The following ZBTB20 variants were observed in gnomAD, a reference collection of about 807,000 sequenced individuals.
ZBTB20 encodes the protein zinc finger and BTB domain containing 20.
ZBTB20 carries 9 observed loss-of-function variants against 56.9 expected under a neutral mutation model. That is an observed-to-expected ratio of 0.16 (90% CI 0.10 to 0.28). The LOEUF is 0.28. Among genes scored for constraint, ZBTB20 ranks in the 10% least tolerant of loss-of-function variants. ZBTB20 has a pLI of 1.00. For missense variants in ZBTB20, 655 were observed against 1,003.0 expected (o/e 0.65, Z 4.69); for synonymous variants, 417 against 420.7 (o/e 0.99, Z 0.11).
intron 6 of ZBTB20, among the ~76,000 whole-genome samples, chr3:114,682,168 C>A (rs2062014382): frequency 6.6e-6 from 1 of 152,030 alleles, no homozygotes; most frequent in Admixed American, 6.5e-5. Flanking sequence ...TTACTCACAA[C>A]ACAGATTTAA....
At position 114,996,195 on chromosome 3, in the gene ZBTB20, T is replaced by C. The variant is rs115241692; in HGVS notation, c.-506-21779A>G. 5.4e-3 allele frequency among the ~76,000 whole-genome samples: 816 copies of C among 151,970 alleles called. 11 individuals carry two copies. Among genetic ancestry groups the C allele is most frequent in the African/African-American group, 0.019 (795 of 41,508 alleles). ...AAACATGTAGAATGGTGAGAAATCTTATTTTTTTCTTTTCTTTTTTTTATT... is the reference window on the plus strand; with the variant it reads ...AAACATGTAGAATGGTGAGAAATCTCATTTTTTTCTTTTCTTTTTTTTATT... On this transcript the variant is annotated intron_variant, in intron 2 of 11. Transcript: ENST00000675478.
In ZBTB20 at chr3:114,319,091, T is replaced by C. The variant is rs1576164867; in HGVS notation, c.*19914A>G. On this transcript the variant is annotated 3_prime_UTR_variant, in exon 12 of 12. Coordinates refer to ENST00000675478, the MANE Select transcript of ZBTB20 (RefSeq NM_001348800.3). ...ACTTTTAACACGCATCTTGAATCAG[T>C]AATTTTTTTTTAACCTCAAAACTGC... 1 of 152,026 alleles carries C rather than the reference T, an allele frequency of 6.6e-6. No homozygotes were observed. The highest frequency in any genetic ancestry group is 2.1e-4 in the South Asian group (1 of 4,818). 9.4% of individuals were successfully genotyped at this position (152,026 alleles called of 1,614,324 possible).
chr3:114,374,072 C>T (rs2083335754), intron 10 of ZBTB20, among the ~76,000 whole-genome samples: 1 of 151,942 alleles, frequency 6.6e-6, no homozygotes, highest in South Asian at 2.1e-4. Flanking sequence ...AAGTGCTGGA[C>T]TAAGCACTAA....
intron 4 of ZBTB20, among the ~76,000 whole-genome samples, chr3:114,811,687 G>T (rs1342634873): frequency 6.6e-6 from 1 of 152,170 alleles, no homozygotes. Flanking sequence ...TCTCATTAAA[G>T]TGTCATAACC....
In ZBTB20 at chr3:114,531,043, T is replaced by A. The variant is rs77696597; in HGVS notation, c.-294-30652A>T. ...TACCTACTACTTCCTCACAAATAAC[T>A]CCCGACTCTTGATCTTTAGCCCAGA... On this transcript the variant is annotated intron_variant, in intron 6 of 11. Coordinates refer to ENST00000675478, the MANE Select transcript of ZBTB20 (RefSeq NM_001348800.3). Among the ~76,000 whole-genome samples, 211 of 152,286 alleles carry A rather than the reference T, an allele frequency of 1.4e-3. 1 individual carries two copies. In the East Asian group the frequency reaches 0.024, roughly 17 times the overall value.
intron 2 of ZBTB20, among the ~76,000 whole-genome samples, chr3:115,065,783 G>A (rs368712681): frequency 6.6e-5 from 10 of 152,110 alleles, no homozygotes; most frequent in African/African-American, 2.2e-4. Context: ...GTTTGTGCAA[G>A]GTTATTTAAA....
At chr3:114,960,999 A>T (rs1415821725) in intron 3 of ZBTB20, among the ~76,000 whole-genome samples, 1 of 151,920 alleles carries the variant, frequency 6.6e-6, no homozygotes, top group Non-Finnish European at 1.5e-5. Flanking sequence ...TAATTTGGAG[A>T]AGTGATGGAG....
At chr3:114,918,756 T>C (rs1209233602) in intron 3 of ZBTB20, among the ~76,000 whole-genome samples, 1 of 152,182 alleles carries the variant, frequency 6.6e-6, no homozygotes, top group Non-Finnish European at 1.5e-5. Context: ...CAAAGTCCTG[T>C]TTACTCTTCA....
intron 6 of ZBTB20, among the ~76,000 whole-genome samples, chr3:114,624,716 G>A (rs1261599156): frequency 2.0e-5 from 3 of 152,216 alleles, no homozygotes; most frequent in East Asian, 3.9e-4. Flanking sequence ...CAGGGAAGGG[G>A]GGAAGGGTAC....
intron 3 of ZBTB20, among the ~76,000 whole-genome samples, chr3:114,934,990 G>A (rs1420709684): frequency 6.6e-6 from 1 of 152,052 alleles, no homozygotes; most frequent in Non-Finnish European, 1.5e-5. Flanking sequence ...GGTCAGATTT[G>A]ATAGGCCTAT....
At chr3:114,417,442 A>T (rs1017507034) in intron 7 of ZBTB20, among the ~76,000 whole-genome samples, 1 of 152,134 alleles carries the variant, frequency 6.6e-6, no homozygotes, top group African/African-American at 2.4e-5. Flanking sequence ...ATTTTCCTTA[A>T]GAAAATGAAA....
Position 114,565,754 on chromosome 3 carries a change from T to A in ZBTB20, c.-294-65363A>T, listed in dbSNP as rs577456937. Among the ~76,000 whole-genome samples, 19 of 151,656 alleles carry A rather than the reference T, an allele frequency of 1.3e-4. No homozygotes were observed. In the South Asian group the frequency reaches 2.9e-3, roughly 23 times the overall value. On this transcript the variant is annotated intron_variant, in intron 6 of 11. Transcript: ENST00000675478. ...CACTACTGCATTGTTTCATGGAAAATGCTTATCTCACCCCAACAAAACCTT... is the reference window on the plus strand; with the variant it reads ...CACTACTGCATTGTTTCATGGAAAAAGCTTATCTCACCCCAACAAAACCTT...
At chr3:115,015,234 G>C (rs899882478) in intron 2 of ZBTB20, among the ~76,000 whole-genome samples, 5 of 151,726 alleles carry the variant, frequency 3.3e-5, no homozygotes, top group African/African-American at 1.2e-4. Context: ...AATATGTTTT[G>C]TGCACAAATA....
intron 3 of ZBTB20, among the ~76,000 whole-genome samples, chr3:114,973,913 G>A (rs369544373): frequency 6.6e-6 from 1 of 152,066 alleles, no homozygotes; most frequent in African/African-American, 2.4e-5. Context: ...CATCTGAAGA[G>A]TTTCAATGTC....
intron 3 of ZBTB20, among the ~76,000 whole-genome samples, chr3:114,932,615 G>A (rs2076396607): frequency 6.6e-6 from 1 of 152,102 alleles, no homozygotes. Context: ...TTCACTTCTT[G>A]GTTTTCCTAT....
chr3:114,523,875 A>G (rs2046915798), intron 6 of ZBTB20, among the ~76,000 whole-genome samples: 1 of 152,228 alleles, frequency 6.6e-6, no homozygotes, highest in Non-Finnish European at 1.5e-5. Context: ...AATGACAAGG[A>G]AACATATTAT....
intron 6 of ZBTB20, among the ~76,000 whole-genome samples, chr3:114,576,247 C>A (rs2053998158): frequency 1.3e-5 from 2 of 151,932 alleles, no homozygotes; most frequent in African/African-American, 4.8e-5. Flanking sequence ...CGCCTGTAAT[C>A]CCAGCACTTT....
At chr3:115,052,190 G>A (rs943846545) in intron 2 of ZBTB20, among the ~76,000 whole-genome samples, 1 of 152,128 alleles carries the variant, frequency 6.6e-6, no homozygotes, top group Non-Finnish European at 1.5e-5. Context: ...TAGGCATGGT[G>A]GCTCATGCCT....
chr3:115,126,870 A>T (rs2084347746), intron 1 of ZBTB20, among the ~76,000 whole-genome samples: 1 of 152,192 alleles, frequency 6.6e-6, no homozygotes, highest in South Asian at 2.1e-4. Flanking sequence ...TTGATTTAAA[A>T]TAACAAACGA....
Sources: gnomAD v4.1 joint callset for allele counts (sites outside exome capture counted in the v4.1 genomes callset) on GRCh38, gnomAD v4.1.1 for gene constraint, MANE v1.5 for transcripts, NCBI Gene and HGNC (gene_info 2026-07-23, HGNC 2026-07-21) for gene names.